NUP37: variants seen among roughly 807,000 people sequenced by gnomAD.
NUP37 encodes nucleoporin 37.
Under a neutral mutation model 45.4 loss-of-function variants are expected in NUP37, and 33 were observed. That is an observed-to-expected ratio of 0.73 (90% CI 0.55 to 0.97). The LOEUF is 0.97. Ranked by LOEUF, NUP37 falls within the 50% of genes least tolerant of loss-of-function variation. The pLI is 0.00. For synonymous variants in NUP37, 127 were observed against 130.7 expected, an observed-to-expected ratio of 0.97 and a Z score of 0.19; for missense variants, 365 against 389.7, an observed-to-expected ratio of 0.94 and a Z score of 0.53.
At chr12:102,115,831 G>A (rs1880446624) in intron 2 of NUP37, 2 of 981,622 alleles carry the variant, frequency 2.0e-6, no homozygotes, top group Admixed American at 6.2e-5. Flanking sequence ...CAAGACAAGA[G>A]GCATGAAACT....
chr12:102,077,584 G>GT (rs1879210018), intron 6 of NUP37, 81 bp from the exon 7 acceptor site: 1 of 1,317,058 alleles, frequency 7.6e-7, no homozygotes, highest in African/African-American at 1.5e-5. Flanking sequence ...ATTCACTGTT[G>GT]TACGGTAAAA....
chr12:102,093,696 T>C (rs1019203417), intron 5 of NUP37, among the ~76,000 whole-genome samples: 7 of 152,116 alleles, frequency 4.6e-5, no homozygotes, highest in Non-Finnish European at 1.0e-4. Context: ...AATTTGACTA[T>C]ATGCTGAATA....
chr12:102,092,242 A>G (rs1352674905), intron 5 of NUP37, among the ~76,000 whole-genome samples: 1 of 152,240 alleles, frequency 6.6e-6, no homozygotes, highest in African/African-American at 2.4e-5. Context: ...AGAATGGATG[A>G]CATTAAATGA....
chr12:102,096,148 G>T (rs960134745), intron 5 of NUP37, among the ~76,000 whole-genome samples: 2 of 152,030 alleles, frequency 1.3e-5, no homozygotes, highest in African/African-American at 4.8e-5. Flanking sequence ...TATTTGGAAG[G>T]CTACATTTTC....
chr12:102,109,438 G>C (rs895459347), intron 3 of NUP37, among the ~76,000 whole-genome samples: 7 of 152,096 alleles, frequency 4.6e-5, no homozygotes, highest in African/African-American at 1.7e-4. Context: ...AGTTACTATA[G>C]TATAATCACA....
chr12:102,075,207 G>C lies in NUP37; in HGVS notation c.774-113C>G. The C allele has an allele frequency of 4.9e-6, 3 of 607,310 alleles. No homozygotes were observed. The South Asian group carries it at 7.6e-5, about 15-fold the overall frequency. 37.6% of individuals were successfully genotyped at this position (607,310 alleles called of 1,614,324 possible). On this transcript the variant is annotated intron_variant, in intron 8 of 9. Coordinates refer to ENST00000552283, the MANE Select transcript of NUP37 (RefSeq NM_024057.4). ...CTTTTTTTTTAAGAGACAGGGTCTTGCTCTGTCACCCAGGCTGGAGTGCAG... is the reference window on the plus strand; with the variant it reads ...CTTTTTTTTTAAGAGACAGGGTCTTCCTCTGTCACCCAGGCTGGAGTGCAG...
chr12:102,104,606 T>C (rs1450236743), intron 3 of NUP37, among the ~76,000 whole-genome samples: 1 of 152,222 alleles, frequency 6.6e-6, no homozygotes, highest in African/African-American at 2.4e-5. Flanking sequence ...GTTTCAGGTC[T>C]TATGTTTAGG....
At chr12:102,083,358 C>T (rs904863633) in intron 6 of NUP37, among the ~76,000 whole-genome samples, 7 of 152,172 alleles carry the variant, frequency 4.6e-5, no homozygotes, top group African/African-American at 1.7e-4. Flanking sequence ...TAAGTTAGAA[C>T]ATTTCACTCA....
At chr12:102,085,423 AAAAAAC>A (rs1391300544) in intron 6 of NUP37, among the ~76,000 whole-genome samples, 33 of 152,300 alleles carry the variant, frequency 2.2e-4, no homozygotes, top group African/African-American at 7.0e-4. Flanking sequence ...CCCTGTCTAA[AAAAAAC>A]AAAAACAAAA....
Position 102,074,203 on chromosome 12 carries a change from A to G in NUP37, c.*151T>C, listed in dbSNP as rs769355420. 5.7e-5 allele frequency: 27 copies of G among 472,630 alleles called. No individual in the cohort carries two copies. The highest frequency in any genetic ancestry group is 1.0e-4 in the Non-Finnish European group (27 of 269,002). The allele number at this position is 472,630 out of a possible 1,614,324, so 29.3% of individuals were successfully genotyped here. On this transcript the variant is annotated 3_prime_UTR_variant, in exon 10 of 10. Transcript: ENST00000552283. ...GAGTAGAAAAATAATTTTTCAAACCATCAACATTTTATTTAATAAAAGCAA... is the reference window on the plus strand; with the variant it reads ...GAGTAGAAAAATAATTTTTCAAACCGTCAACATTTTATTTAATAAAAGCAA...
intron 5 of NUP37, 38 bp from the exon 6 acceptor site, chr12:102,085,894 G>T: frequency 4.1e-6 from 4 of 972,716 alleles, no homozygotes; most frequent in Non-Finnish European, 6.3e-6. Context: ...AATTGTTCTT[G>T]ATATATCATT....
chr12:102,089,399 G>GGT (rs1879575634), intron 5 of NUP37, among the ~76,000 whole-genome samples: 2 of 141,186 alleles, frequency 1.4e-5, no homozygotes, highest in African/African-American at 5.3e-5. Context: ...ATCCCAGACG[G>GGT]GGCAGCCGGG....
At chr12:102,107,007 A>G (rs1880174741) in intron 3 of NUP37, among the ~76,000 whole-genome samples, 1 of 152,074 alleles carries the variant, frequency 6.6e-6, no homozygotes, top group Admixed American at 6.5e-5. Context: ...ACACCCCACA[A>G]TTCCTGTCTT....
chr12:102,111,999 G>A, intron 3 of NUP37, 109 bp downstream of exon 3: 1 of 1,015,946 alleles, frequency 9.8e-7, no homozygotes. Context: ...TAATATCTTG[G>A]ATTGTGGAAA....
intron 3 of NUP37, among the ~76,000 whole-genome samples, chr12:102,103,157 G>A (rs1272303349): frequency 6.6e-6 from 1 of 152,066 alleles, no homozygotes; most frequent in African/African-American, 2.4e-5. Context: ...TGATAGATAG[G>A]CATTGCATTG....
At chr12:102,098,811 C>T (rs1470124115) in intron 5 of NUP37, among the ~76,000 whole-genome samples, 1 of 152,102 alleles carries the variant, frequency 6.6e-6, no homozygotes, top group African/African-American at 2.4e-5. Context: ...AGATTATAGG[C>T]ATGTGGCACT....
chr12:102,073,636 T>TTAGAG lies in NUP37; in HGVS notation c.*717_*718insCTCTA, dbSNP rs1166169508. ...ACATTAAATTGAGTACACATACACATATATATACTCAACAACCACTTCCAG... is the reference window on the plus strand; with the variant it reads ...ACATTAAATTGAGTACACATACACATTAGAGATATATACTCAACAACCACTTCCAG... On this transcript the variant is annotated 3_prime_UTR_variant, in exon 10 of 10. Coordinates refer to ENST00000552283, the MANE Select transcript of NUP37 (RefSeq NM_024057.4). The TTAGAG allele has an allele frequency of 6.6e-6, 1 of 152,154 alleles. No individual in the cohort carries two copies. The highest frequency in any genetic ancestry group is 2.4e-5 in the African/African-American group (1 of 41,448). 9.4% of individuals were successfully genotyped at this position (152,154 alleles called of 1,614,324 possible).
chr12:102,081,219 T>C (rs990919880), intron 6 of NUP37, among the ~76,000 whole-genome samples: 5 of 152,308 alleles, frequency 3.3e-5, no homozygotes, highest in Non-Finnish European at 5.9e-5. Flanking sequence ...TCAAAAAACA[T>C]TGGCTATTAT....
chr12:102,079,774 T>G (rs992947143), intron 6 of NUP37, among the ~76,000 whole-genome samples: 2 of 152,164 alleles, frequency 1.3e-5, no homozygotes, highest in African/African-American at 2.4e-5. Flanking sequence ...AGTACAAAAA[T>G]GTTAAAAATG....
Sources: gnomAD v4.1 joint callset for allele counts (sites outside exome capture counted in the v4.1 genomes callset) on GRCh38, gnomAD v4.1.1 for gene constraint, MANE v1.5 for transcripts, NCBI Gene and HGNC (gene_info 2026-07-23, HGNC 2026-07-21) for gene names.